The following CADM2 variants were observed in gnomAD, a reference collection of about 807,000 sequenced individuals.
CADM2 encodes immunoglobulin superfamily member 4D.
CADM2 carries 12 observed loss-of-function variants against 49.8 expected under a neutral mutation model. The observed-to-expected ratio is 0.24, with a 90% confidence interval of 0.15 to 0.39. The LOEUF is 0.39. Among genes scored for constraint, CADM2 ranks in the 10% least tolerant of loss-of-function variants. The probability of loss-of-function intolerance (pLI) is 1.00; values close to 1 mark genes in which losing one functional copy is unlikely to be tolerated. For missense variants in CADM2, 378 were observed against 492.3 expected (o/e 0.77, Z 2.20); for synonymous variants, 214 against 175.4 (o/e 1.22, Z -1.74).
chr3:85,672,492 T>A (rs1050497290), intron 1 of CADM2, among the ~76,000 whole-genome samples: 2 of 152,150 alleles, frequency 1.3e-5, no homozygotes. Context: ...TTCCCTCTGC[T>A]AATACTGATA....
At chr3:85,355,974 A>T (rs985624027) in intron 1 of CADM2, among the ~76,000 whole-genome samples, 1 of 152,166 alleles carries the variant, frequency 6.6e-6, no homozygotes, top group Non-Finnish European at 1.5e-5. Flanking sequence ...AGGTGGAGAT[A>T]TAAATGTTGT....
At chr3:85,404,232 T>C (rs1311766426) in intron 1 of CADM2, among the ~76,000 whole-genome samples, 1 of 152,242 alleles carries the variant, frequency 6.6e-6, no homozygotes, top group East Asian at 1.9e-4. Flanking sequence ...TCCCACCACC[T>C]CACTTTTTTT....
chr3:86,015,927 A>G (rs1050228227), intron 8 of CADM2, among the ~76,000 whole-genome samples: 9 of 152,114 alleles, frequency 5.9e-5, no homozygotes, highest in African/African-American at 2.2e-4. Context: ...AAAAATAAGG[A>G]TTGTGGTTTA....
At chr3:85,748,158 T>C (rs1412554476) in intron 2 of CADM2, among the ~76,000 whole-genome samples, 2 of 152,120 alleles carry the variant, frequency 1.3e-5, no homozygotes, top group East Asian at 1.9e-4. Context: ...AAGAAGATTA[T>C]GTAGATTTTT....
intron 1 of CADM2, among the ~76,000 whole-genome samples, chr3:85,082,912 T>C (rs751016171): frequency 6.6e-6 from 1 of 152,134 alleles, no homozygotes; most frequent in Non-Finnish European, 1.5e-5. Flanking sequence ...TGAGTGCATA[T>C]GTCCTGAAGA....
chr3:85,986,782 T>A lies in CADM2; in HGVS notation c.970+25135T>A, dbSNP rs1456139618. ...CTTAAGGAACAAGCACCATATATGT[T>A]CTATAGGTGGAGGTACTTTCAACCT... On this transcript the variant is annotated intron_variant, in intron 8 of 9. Coordinates refer to ENST00000383699, the MANE Select transcript of CADM2 (RefSeq NM_001167675.2). Among the ~76,000 whole-genome samples the A allele has an allele frequency of 2.6e-5, 4 of 152,076 alleles. No individual in the cohort carries two copies. The East Asian group carries it at 7.7e-4, about 29-fold the overall frequency.
intron 2 of CADM2, among the ~76,000 whole-genome samples, chr3:85,784,346 A>G: frequency 6.6e-6 from 1 of 152,194 alleles, no homozygotes; most frequent in East Asian, 1.9e-4. Flanking sequence ...TGAAGCAATA[A>G]GGCTAATTTT....
chr3:85,153,140 A>G (rs1434942088), intron 1 of CADM2, among the ~76,000 whole-genome samples: 1 of 152,176 alleles, frequency 6.6e-6, no homozygotes, highest in African/African-American at 2.4e-5. Context: ...GCGACGCAGA[A>G]GACGGGTGAT....
chr3:85,568,708 T>C (rs2062391018), intron 1 of CADM2, among the ~76,000 whole-genome samples: 1 of 150,184 alleles, frequency 6.7e-6, no homozygotes. Flanking sequence ...GAGCAGGCAA[T>C]TCTCCTGCCT....
In CADM2 at chr3:86,073,329, T is replaced by C. The variant is rs1476025221; in HGVS notation, c.*6546T>C. 2.6e-5 allele frequency: 4 copies of C among 151,960 alleles called. No individual in the cohort carries two copies. In the East Asian group the frequency reaches 5.8e-4, roughly 22 times the overall value. The allele number at this position is 151,960 out of a possible 1,614,324, so 9.4% of individuals were successfully genotyped here. ...ATGACAGCATAAAAAATAAATTCTG[T>C]GCTATAAAGAAGATCCAACAAATTA... is the stretch of plus-strand genomic sequence containing the variant. On this transcript the variant is annotated 3_prime_UTR_variant, in exon 10 of 10. Coordinates refer to ENST00000383699, the MANE Select transcript of CADM2 (RefSeq NM_001167675.2).
chr3:84,988,085 A>G (rs1340637493), intron 1 of CADM2, among the ~76,000 whole-genome samples: 2 of 151,888 alleles, frequency 1.3e-5, no homozygotes, highest in Admixed American at 6.6e-5. Flanking sequence ...TAGCACTCTC[A>G]CTCCCCATCC....
At chr3:85,558,993 G>T (rs2062025669) in intron 1 of CADM2, among the ~76,000 whole-genome samples, 1 of 151,998 alleles carries the variant, frequency 6.6e-6, no homozygotes, top group Non-Finnish European at 1.5e-5. Context: ...GTATGCATTT[G>T]ATTATATGAG....
At chr3:85,448,584 A>AT (rs1490221889) in intron 1 of CADM2, among the ~76,000 whole-genome samples, 1 of 151,928 alleles carries the variant, frequency 6.6e-6, no homozygotes, top group Non-Finnish European at 1.5e-5. Flanking sequence ...CAGTGTATAG[A>AT]TTTTGCACAT....
chr3:85,785,687 T>C (rs2070939415), intron 2 of CADM2, among the ~76,000 whole-genome samples: 1 of 152,112 alleles, frequency 6.6e-6, no homozygotes, highest in Admixed American at 6.6e-5. Context: ...CCATTTGTAC[T>C]AAAGATTAGA....
At chr3:85,001,660 T>G (rs1035857100) in intron 1 of CADM2, among the ~76,000 whole-genome samples, 1 of 152,076 alleles carries the variant, frequency 6.6e-6, no homozygotes, top group Non-Finnish European at 1.5e-5. Flanking sequence ...ATAAAAGAGT[T>G]AAGATTAATT....
chr3:85,818,163 C>T (rs574990429), intron 3 of CADM2, among the ~76,000 whole-genome samples: 7 of 151,828 alleles, frequency 4.6e-5, no homozygotes, highest in African/African-American at 9.7e-5. Flanking sequence ...AGGGTAACAA[C>T]GAAACGGAGA....
At chr3:86,049,852 A>T (rs9846504) in intron 8 of CADM2, among the ~76,000 whole-genome samples, 30,340 of 152,022 alleles carry the variant, frequency 0.2, 3,219 homozygotes, top group East Asian at 0.27. Flanking sequence ...ACCTCGCATC[A>T]TGCCCCATCT....
At chr3:85,118,780 A>T (rs1169421701) in intron 1 of CADM2, among the ~76,000 whole-genome samples, 1 of 151,980 alleles carries the variant, frequency 6.6e-6, no homozygotes, top group East Asian at 1.9e-4. Context: ...ACAAAGTTTC[A>T]CTCTTGTTGA....
chr3:85,215,882 C>T (rs1040360593), intron 1 of CADM2, among the ~76,000 whole-genome samples: 1 of 152,090 alleles, frequency 6.6e-6, no homozygotes, highest in Non-Finnish European at 1.5e-5. Flanking sequence ...CTGACCATCA[C>T]TGTGTTCTCC....
Sources: allele counts gnomAD v4.1 joint callset (sites outside exome capture counted in the v4.1 genomes callset), GRCh38; gene constraint gnomAD v4.1.1; transcripts MANE v1.5; gene names NCBI Gene and HGNC (gene_info 2026-07-23, HGNC 2026-07-21).